AVL9: variants seen among roughly 807,000 people sequenced by gnomAD.
AVL9 encodes the protein late secretory pathway protein AVL9 homolog.
A neutral mutation model predicts 79.2 loss-of-function variants in AVL9; 49 were observed. That is an observed-to-expected ratio of 0.62 (90% CI 0.49 to 0.79). The LOEUF (loss-of-function observed/expected upper bound fraction) is 0.79. AVL9 is among the 30% of genes least tolerant of loss of function. AVL9 has a pLI of 0.00. For missense variants in AVL9, 682 were observed against 776.8 expected (o/e 0.88, Z 1.45); for synonymous variants, 299 against 280.6 (o/e 1.07, Z -0.65).
At chr7:32,510,510 T>G (rs1170229929) in intron 1 of AVL9, among the ~76,000 whole-genome samples, 1 of 142,292 alleles carries the variant, frequency 7.0e-6, no homozygotes, top group Admixed American at 6.9e-5. Flanking sequence ...GTTGGGAGAA[T>G]CCACAGTCCT....
chr7:32,531,264 GT>G (rs1290800495), intron 1 of AVL9, among the ~76,000 whole-genome samples: 1 of 152,044 alleles, frequency 6.6e-6, no homozygotes, highest in Non-Finnish European at 1.5e-5. Flanking sequence ...TTAGCTCAAG[GT>G]GGAATGACTT....
intron 10 of AVL9, among the ~76,000 whole-genome samples, chr7:32,560,203 G>T (rs945238538): frequency 2.0e-5 from 3 of 151,612 alleles, no homozygotes; most frequent in Non-Finnish European, 4.4e-5. Context: ...GACAGAGGGA[G>T]ACTCTATTAT....
intron 1 of AVL9, among the ~76,000 whole-genome samples, chr7:32,542,385 C>CAAA (rs567774011): frequency 3.1e-4 from 28 of 90,594 alleles, no homozygotes; most frequent in African/African-American, 1.0e-3. Context: ...AGTAAAAATA[C>CAAA]AAAAAAAAAA....
At chr7:32,538,307 C>T (rs960776713) in intron 1 of AVL9, 4 of 152,146 alleles carry the variant, frequency 2.6e-5, no homozygotes, top group Non-Finnish European at 5.9e-5. Context: ...TTAAGAACTG[C>T]TTGTGATTGT....
chr7:32,497,147 G>C (rs961186649), intron 1 of AVL9, among the ~76,000 whole-genome samples: 1 of 152,096 alleles, frequency 6.6e-6, no homozygotes, highest in African/African-American at 2.4e-5. Context: ...CCTGAGGTGA[G>C]GAGTTCGAAA....
At chr7:32,495,886 G>T (rs1032846909) in intron 1 of AVL9, 84 bp downstream of exon 1, 8 of 930,470 alleles carry the variant, frequency 8.6e-6, no homozygotes, top group Non-Finnish European at 1.1e-5. Context: ...TGTGTGCTCA[G>T]CTCGCGTCGT....
chr7:32,558,935 T>C lies in AVL9; in HGVS notation c.686T>C (p.Ile229Thr). ...MTVLSLFPGM[I>T]EHGLSDCSQY... is the part of the protein sequence containing the mutation. ...TTGATATTGCATATTTTAGGCATGA[T>C]TGAACATGGTCTCAGTGACTGTTCT... Residue 229 changes from isoleucine (I) to threonine (T), a missense_variant, in exon 10 of 16, where the codon ATT (isoleucine) becomes ACT (threonine). Transcript: ENST00000318709. The C allele has an allele frequency of 1.9e-6, 3 of 1,574,842 alleles. No homozygotes were observed. Among genetic ancestry groups the C allele is most frequent in the Non-Finnish European group, 2.6e-6 (3 of 1,163,274 alleles).
At chr7:32,534,285 C>T (rs1168501498) in intron 1 of AVL9, 1 of 152,102 alleles carries the variant, frequency 6.6e-6, no homozygotes, top group Non-Finnish European at 1.5e-5. Context: ...ATATTGGTTA[C>T]ATACAAAGTC....
chr7:32,580,921 G>A (rs1381253027), intron 15 of AVL9, 31 bp downstream of exon 15: 2 of 1,517,082 alleles, frequency 1.3e-6, no homozygotes, highest in South Asian at 2.3e-5. Context: ...GGAACAAATT[G>A]GAATCACAAC....
intron 11 of AVL9, among the ~76,000 whole-genome samples, chr7:32,572,959 T>C (rs564092228): frequency 6.6e-6 from 1 of 152,292 alleles, no homozygotes; most frequent in East Asian, 1.9e-4. Flanking sequence ...TCTAGGTGAG[T>C]AATTTTGTAA....
rs36059578 is a variant in AVL9, at chr7:32,524,557, C to CAG, written c.94-18578_94-18577dup. 2.6e-3 allele frequency among the ~76,000 whole-genome samples: 93 copies of CAG among 35,152 alleles called. 1 individual carries two copies. Among genetic ancestry groups the CAG allele is most frequent in the African/African-American group, 8.0e-3 (88 of 11,046 alleles). The allele number at this position is 35,152 out of a possible 152,430, so 23.1% of individuals were successfully genotyped here. A position where few individuals can be genotyped will look rare whatever the true frequency, so the allele number is the denominator to read the frequency against. Reference sequence around the variant, plus strand: ...ACACACACACACACACACACACACACAGAGAGAAAAGAAAATGGGTATTAT... The same window carrying CAG: ...ACACACACACACACACACACACACACAGAGAGAGAAAAGAAAATGGGTATTAT... On this transcript the variant is annotated intron_variant, in intron 1 of 15. Transcript: ENST00000318709.
At chr7:32,536,186 C>CTA (rs36098658) in intron 1 of AVL9, 53,418 of 151,904 alleles carry the variant, frequency 0.35, 9,728 homozygotes, top group East Asian at 0.48. Flanking sequence ...CCATGTACAG[C>CTA]TATATGTACT....
intron 1 of AVL9, among the ~76,000 whole-genome samples, chr7:32,524,178 CTT>C (rs1788300422): frequency 6.6e-6 from 1 of 151,920 alleles, no homozygotes; most frequent in Admixed American, 6.6e-5. Context: ...TTTAAACAGA[CTT>C]TATGTAAGGT....
chr7:32,524,038 G>A (rs1788295131), intron 1 of AVL9, among the ~76,000 whole-genome samples: 1 of 150,874 alleles, frequency 6.6e-6, no homozygotes, highest in South Asian at 2.1e-4. Context: ...CAGTCGAGAT[G>A]GGGTTTCAAC....
rs531095746 is a variant in AVL9, at chr7:32,559,541, G to A, written c.1215+77G>A. 3.7e-4 allele frequency: 527 copies of A among 1,439,714 alleles called. 1 individual carries two copies. The highest frequency in any genetic ancestry group is 2.3e-3 in the Middle Eastern group (12 of 5,330). 89.2% of individuals were successfully genotyped at this position (1,439,714 alleles called of 1,614,324 possible). A position where few individuals can be genotyped will look rare whatever the true frequency, so the allele number is the denominator to read the frequency against. ...TCGGAGTTTAACTTTTGAACTTTTG[G>A]TATTCAACACATTTTCAGGTGGAAA... On this transcript the variant is annotated intron_variant, in intron 10 of 15. Transcript: ENST00000318709.
rs1554350211 is a variant in AVL9, at chr7:32,586,472, C to CA, written c.*2565_*2566insA. On this transcript the variant is annotated 3_prime_UTR_variant, in exon 16 of 16. Coordinates refer to ENST00000318709, the MANE Select transcript of AVL9 (RefSeq NM_015060.3). ...CCCCTGGTCCTGTGACCCCCCCCCC[C>CA]CACACACACACATACTTCAGGCTTG... 4,853 of 143,046 alleles carry CA rather than the reference C, an allele frequency of 0.034. 289 individuals are homozygous for CA. Among genetic ancestry groups the CA allele is most frequent in the African/African-American group, 0.11 (4,462 of 38,832 alleles). 8.9% of individuals were successfully genotyped at this position (143,046 alleles called of 1,614,324 possible). A position where few individuals can be genotyped will look rare whatever the true frequency, so the allele number is the denominator to read the frequency against.
chr7:32,549,211 T>A (rs201243996), intron 4 of AVL9, among the ~76,000 whole-genome samples: 33 of 142,460 alleles, frequency 2.3e-4, no homozygotes, highest in Admixed American at 4.9e-4. Context: ...AAAAAAAATT[T>A]TATATATATA....
intron 1 of AVL9, among the ~76,000 whole-genome samples, chr7:32,523,736 C>CTTTTTTTTTTTT (rs57458179): frequency 8.0e-6 from 1 of 125,510 alleles, no homozygotes; most frequent in African/African-American, 3.0e-5. Flanking sequence ...CTTTTCTTTT[C>CTTTTTTTTTTTT]TTTTTTTTTT....
chr7:32,513,684 C>A (rs1427695107), intron 1 of AVL9, among the ~76,000 whole-genome samples: 1 of 152,196 alleles, frequency 6.6e-6, no homozygotes, highest in African/African-American at 2.4e-5. Flanking sequence ...AGAAATAAGA[C>A]ACGGAGACAA....
Sources: gnomAD v4.1 joint callset for allele counts (sites outside exome capture counted in the v4.1 genomes callset) on GRCh38, gnomAD v4.1.1 for gene constraint, MANE v1.5 for transcripts, NCBI Gene and HGNC (gene_info 2026-07-23, HGNC 2026-07-21) for gene names.